UBN1: variants seen among roughly 807,000 people sequenced by gnomAD.
UBN1 encodes the protein ubinuclein 1.
Under a neutral mutation model 108.5 loss-of-function variants are expected in UBN1, and 17 were observed. The ratio of observed to expected loss-of-function variants is 0.16; its 90% CI spans 0.11 to 0.24. The LOEUF (loss-of-function observed/expected upper bound fraction) is 0.24, where lower values mean the gene tolerates loss of function less well. Ranked by LOEUF, UBN1 falls within the 10% of genes least tolerant of loss-of-function variation. UBN1 has a pLI of 1.00. For missense variants in UBN1, 1,595 were observed against 1,394.4 expected, an observed-to-expected ratio of 1.14 and a Z score of -2.29; for synonymous variants, 726 against 564.2, an observed-to-expected ratio of 1.29 and a Z score of -4.07.
chr16:4,871,028 C>G, intron 11 of UBN1, 56 bp downstream of exon 11: 2 of 1,608,568 alleles, frequency 1.2e-6, no homozygotes, highest in Non-Finnish European at 1.7e-6. Flanking sequence ...AGTGTCTGAG[C>G]ACGTCCCCTA....
intron 7 of UBN1, among the ~76,000 whole-genome samples, chr16:4,867,002 G>A (rs190600242): frequency 6.6e-6 from 1 of 152,204 alleles, no homozygotes; most frequent in Admixed American, 6.5e-5. Context: ...AACAGGCTTC[G>A]CCGGCCTCCT....
At chr16:4,869,829 GA>G (rs1381370509) in intron 8 of UBN1, among the ~76,000 whole-genome samples, 1 of 152,130 alleles carries the variant, frequency 6.6e-6, no homozygotes, top group Non-Finnish European at 1.5e-5. Context: ...TAAACGTGGG[GA>G]CTGGGGGAAA....
intron 7 of UBN1, among the ~76,000 whole-genome samples, chr16:4,865,378 G>A (rs996261610): frequency 2.6e-5 from 4 of 152,122 alleles, no homozygotes; most frequent in African/African-American, 9.7e-5. Context: ...TTGTACAAGT[G>A]GCTATCTAAA....
intron 8 of UBN1, among the ~76,000 whole-genome samples, chr16:4,869,318 C>G (rs920794297): frequency 1.1e-4 from 16 of 152,322 alleles, no homozygotes; most frequent in African/African-American, 3.8e-4. Context: ...CCTGGCTGTT[C>G]CGCTCGCTGG....
rs143936076 is a variant in UBN1, at chr16:4,875,689, A to G, written c.3024+255A>G. ...TAAAGGATGGCCAGCACCAAGCACCATGCCTCTTCGGAGGCTGTCTGTGTG... is the reference window on the plus strand; with the variant it reads ...TAAAGGATGGCCAGCACCAAGCACCGTGCCTCTTCGGAGGCTGTCTGTGTG... On this transcript the variant is annotated intron_variant, in intron 15 of 17. Transcript: ENST00000262376. Among the ~76,000 whole-genome samples, 15 of 152,296 alleles carry G rather than the reference A, an allele frequency of 9.8e-5. No homozygotes were observed. In the East Asian group the frequency reaches 2.7e-3, roughly 27 times the overall value.
intron 6 of UBN1, 23 bp downstream of exon 6, chr16:4,859,991 C>T (rs1444270765): frequency 1.2e-6 from 2 of 1,613,614 alleles, no homozygotes; most frequent in Non-Finnish European, 1.7e-6. Flanking sequence ...AGCTTCTTTG[C>T]TAGGATAAAG....
Position 4,870,966 on chromosome 16 carries a change from A to C in UBN1, c.1553A>C (p.Glu518Ala). ...CGGAAGAAGTTCCAATGGAATGATG[A>C]GATCAGGTGTGCCCACACTGGGACT... ...GPRKKFQWNDEIRELLCQVVK... is the reference protein window; with the variant it reads ...GPRKKFQWNDAIRELLCQVVK... Residue 518 changes from glutamate to alanine, a missense_variant, in exon 11 of 18, where the codon GAG (glutamate) becomes GCG (alanine). Physicochemically the swap from Glu to Ala is moderately radical, Grantham distance 107. Transcript: ENST00000262376. The C allele has an allele frequency of 6.2e-7, 1 of 1,614,122 alleles. No homozygotes were observed. The highest frequency in any genetic ancestry group is 8.5e-7 in the Non-Finnish European group (1 of 1,180,016).
chr16:4,877,258 C>T lies in UBN1; in HGVS notation c.3266-127C>T. The T allele has an allele frequency of 6.6e-7, 1 of 1,512,842 alleles. No individual in the cohort carries two copies. Among genetic ancestry groups the T allele is most frequent in the Non-Finnish European group, 8.9e-7 (1 of 1,128,074 alleles). 93.7% of individuals were successfully genotyped at this position (1,512,842 alleles called of 1,614,324 possible). ...GGGAACTGTGCCAAGCCCCCACTGCCCCTTTGGGTGTGGTGCCCAGACTGG... is the reference window on the plus strand; with the variant it reads ...GGGAACTGTGCCAAGCCCCCACTGCTCCTTTGGGTGTGGTGCCCAGACTGG... On this transcript the variant is annotated intron_variant, in intron 16 of 17. Transcript: ENST00000262376. The surrounding 1 kb of genome is among the most constrained non-coding windows in gnomAD (Gnocchi z 4.3).
At chr16:4,867,466 G>A (rs2087392000) in intron 7 of UBN1, among the ~76,000 whole-genome samples, 1 of 152,118 alleles carries the variant, frequency 6.6e-6, no homozygotes, top group South Asian at 2.1e-4. Flanking sequence ...TATATACGGG[G>A]GTCCTGTAAC....
chr16:4,851,132 T>TA (rs1417195643), intron 1 of UBN1, among the ~76,000 whole-genome samples: 3 of 152,314 alleles, frequency 2.0e-5, no homozygotes, highest in African/African-American at 7.2e-5. Flanking sequence ...GAAACCAAGT[T>TA]ACAGCCTCTC....
intron 14 of UBN1, 33 bp from the exon 15 acceptor site, chr16:4,874,178 T>G (rs780774073): frequency 1.2e-5 from 18 of 1,517,332 alleles, no homozygotes; most frequent in Non-Finnish European, 1.5e-5. Flanking sequence ...TCTTTGGACC[T>G]TTCTAAACAT....
At chr16:4,853,970 C>T (rs2086675573) in intron 2 of UBN1, among the ~76,000 whole-genome samples, 1 of 152,184 alleles carries the variant, frequency 6.6e-6, no homozygotes, top group Admixed American at 6.5e-5. Context: ...TGCCAGAAGA[C>T]TACCTCAATA....
chr16:4,856,121 G>T (rs539613183), intron 2 of UBN1, among the ~76,000 whole-genome samples: 1 of 152,346 alleles, frequency 6.6e-6, no homozygotes, highest in South Asian at 2.1e-4. Flanking sequence ...TTTAGAGGAA[G>T]AGACAGGAGC....
In UBN1 at chr16:4,870,201, T is replaced by C; in HGVS notation, c.1182-11T>C. ...AGCTGCAGCCGGTGGTGACTGTGTT[T>C]TGTTCTTCAGCATAGAGGCGCAGAC... On this transcript the variant is annotated splice_polypyrimidine_tract_variant and intron_variant, in intron 8 of 17. Coordinates refer to ENST00000262376, the MANE Select transcript of UBN1 (RefSeq NM_001079514.3). 6.2e-7 allele frequency: 1 copy of C among 1,614,126 alleles called. No homozygotes were observed. Among genetic ancestry groups the C allele is most frequent in the Non-Finnish European group, 8.5e-7 (1 of 1,179,978 alleles).
intron 15 of UBN1, among the ~76,000 whole-genome samples, chr16:4,876,326 C>G (rs2087882205): frequency 6.6e-6 from 1 of 152,138 alleles, no homozygotes; most frequent in African/African-American, 2.4e-5. Flanking sequence ...GGAGGTCTCA[C>G]CTCCTTTCCT....
At chr16:4,854,396 T>C (rs2142127552) in intron 2 of UBN1, among the ~76,000 whole-genome samples, 1 of 150,732 alleles carries the variant, frequency 6.6e-6, no homozygotes, top group Non-Finnish European at 1.5e-5. Flanking sequence ...CAGGCTGGAG[T>C]GCGGTGATGC....
At chr16:4,867,018 A>G (rs137991069) in intron 7 of UBN1, among the ~76,000 whole-genome samples, 1,629 of 152,356 alleles carry the variant, frequency 0.011, 20 homozygotes, top group Admixed American at 0.018. Flanking sequence ...CTCCTGGGGA[A>G]GATGCCCTAA....
At chr16:4,856,664 G>T (rs1488484619) in intron 2 of UBN1, among the ~76,000 whole-genome samples, 3 of 140,338 alleles carry the variant, frequency 2.1e-5, no homozygotes, top group African/African-American at 9.9e-5. Flanking sequence ...GTCAGGAAAT[G>T]GTAGTTATTG....
intron 12 of UBN1, among the ~76,000 whole-genome samples, chr16:4,871,733 C>T (rs1261130150): frequency 6.6e-6 from 1 of 151,810 alleles, no homozygotes; most frequent in Non-Finnish European, 1.5e-5. Context: ...ACTACAGGTG[C>T]CTGCCACCAT....
Sources: gnomAD v4.1 joint callset for allele counts (sites outside exome capture counted in the v4.1 genomes callset) on GRCh38, gnomAD v4.1.1 for gene constraint, Gnocchi (gnomAD v3.1) non-coding constraint, MANE v1.5 for transcripts, NCBI Gene and HGNC (gene_info 2026-07-23, HGNC 2026-07-21) for gene names.